ASB3: variants seen among roughly 807,000 people sequenced by gnomAD.
The protein encoded by ASB3 is ankyrin repeat and SOCS box containing 3.
Under a neutral mutation model 54.5 loss-of-function variants are expected in ASB3, and 41 were observed. The observed-to-expected ratio is 0.75, with a 90% CI of 0.59 to 0.98. The LOEUF is 0.98. Ranked by LOEUF, ASB3 falls within the 50% of genes least tolerant of loss-of-function variation. The pLI, the probability that ASB3 is intolerant of heterozygous loss-of-function variation, is 0.00. For missense variants in ASB3, 733 were observed against 620.0 expected (o/e 1.18, Z -1.94); for synonymous variants, 266 against 221.2 (o/e 1.20, Z -1.80).
At chr2:53,723,215 C>A (rs1036972234) in intron 5 of ASB3, among the ~76,000 whole-genome samples, 13 of 152,102 alleles carry the variant, frequency 8.5e-5, no homozygotes, top group Admixed American at 8.5e-4. Flanking sequence ...ACGGAAAACG[C>A]TGCTCACGGA....
intron 3 of ASB3, among the ~76,000 whole-genome samples, chr2:53,731,684 G>A (rs755528880): frequency 3.7e-4 from 57 of 152,066 alleles, no homozygotes; most frequent in Non-Finnish European, 6.6e-4. Context: ...GACAAGCCTC[G>A]CTCTGTCGCC....
At chr2:53,772,283 T>A (rs567207763) in intron 1 of ASB3, among the ~76,000 whole-genome samples, 1 of 152,264 alleles carries the variant, frequency 6.6e-6, no homozygotes, top group South Asian at 2.1e-4. Context: ...CACGCCATTC[T>A]CCTGCCTCAG....
chr2:53,776,124 A>G, intron 1 of ASB3, among the ~76,000 whole-genome samples: 1 of 152,244 alleles, frequency 6.6e-6, no homozygotes, highest in East Asian at 1.9e-4. Context: ...CTCAGGCATG[A>G]CTAATAATTA....
rs571189939 is a variant in ASB3, at chr2:53,778,258, T to C, written c.-14+8563A>G. 7.9e-5 allele frequency among the ~76,000 whole-genome samples: 12 copies of C among 152,088 alleles called. No homozygotes were observed. The South Asian group carries it at 2.1e-3, about 26-fold the overall frequency. On this transcript the variant is annotated intron_variant, in intron 1 of 9. Coordinates refer to ENST00000263634, the MANE Select transcript of ASB3 (RefSeq NM_016115.5). ...CCTATGTAAGCAAACTGAAGCCCAA[T>C]GTAAACAGTGAAACAAAACTTAATC...
At chr2:53,671,353 C>CGTGTT (rs1667803941) in intron 9 of ASB3, among the ~76,000 whole-genome samples, 4 of 142,512 alleles carry the variant, frequency 2.8e-5, no homozygotes, top group Admixed American at 7.1e-5. Context: ...GAACCCAAAG[C>CGTGTT]GTGTGTGTGT....
chr2:53,726,206 C>A (rs950565152), intron 5 of ASB3, among the ~76,000 whole-genome samples: 4 of 151,026 alleles, frequency 2.6e-5, no homozygotes, highest in African/African-American at 9.7e-5. Context: ...CAAGAAAACA[C>A]ACCTGACATG....
Position 53,693,916 on chromosome 2 carries a change from G to C in ASB3, c.1337C>G (p.Ala446Gly). 1 of 1,613,532 alleles carries C rather than the reference G, an allele frequency of 6.2e-7. No individual in the cohort carries two copies. The change falls in exon 9 of 10, where the codon GCC becomes GGC. Residue 446 changes from alanine (A) to glycine (G), a missense_variant. Transcript: ENST00000263634. ...PAVERMLSAR[A>G]SNAWILQQHI... ...TTGCTGTAGAATCCAAGCGTTTGAG[G>C]CACGAGCAGAGAGCATCCTTTCAAC...
chr2:53,696,783 A>G (rs1428011737), intron 8 of ASB3, among the ~76,000 whole-genome samples: 1 of 152,230 alleles, frequency 6.6e-6, no homozygotes, highest in African/African-American at 2.4e-5. Context: ...CATAGCATTT[A>G]TAAGGCATTA....
At chr2:53,720,989 C>T (rs540667712) in intron 5 of ASB3, among the ~76,000 whole-genome samples, 57 of 151,804 alleles carry the variant, frequency 3.8e-4, no homozygotes, top group Admixed American at 2.1e-3. Context: ...CACAGGGGTG[C>T]GCGCCTGTAA....
intron 2 of ASB3, chr2:53,756,867 C>T (rs1672860074): frequency 6.5e-6 from 1 of 152,856 alleles, no homozygotes. Flanking sequence ...CGCCCATTGC[C>T]ACTCCCAGTC....
intron 1 of ASB3, among the ~76,000 whole-genome samples, chr2:53,776,659 A>C (rs1478117632): frequency 6.6e-6 from 1 of 152,092 alleles, no homozygotes; most frequent in African/African-American, 2.4e-5. Context: ...TCTCTATAAA[A>C]AATTTAAAAA....
At chr2:53,697,188 C>G (rs1478724935) in intron 8 of ASB3, among the ~76,000 whole-genome samples, 1 of 152,214 alleles carries the variant, frequency 6.6e-6, no homozygotes, top group Non-Finnish European at 1.5e-5. Flanking sequence ...ACACTCCCAC[C>G]AGCCCCATGA....
intron 1 of ASB3, among the ~76,000 whole-genome samples, chr2:53,772,695 GTGTTTTGTGTTTT>G (rs939608410): frequency 2.0e-5 from 3 of 150,382 alleles, no homozygotes; most frequent in Non-Finnish European, 3.0e-5. Context: ...CCTGTGTGTT[GTGTTTTGTGTTTT>G]TGTTTTTAAG....
chr2:53,721,398 C>CAAAAA (rs1195017138), intron 5 of ASB3, among the ~76,000 whole-genome samples: 44 of 87,260 alleles, frequency 5.0e-4, no homozygotes, highest in Non-Finnish European at 6.2e-4. Context: ...TACTAAACTA[C>CAAAAA]AAAAAAAAAA....
At chr2:53,735,999 A>T (rs1043386051) in intron 3 of ASB3, among the ~76,000 whole-genome samples, 2 of 117,508 alleles carry the variant, frequency 1.7e-5, no homozygotes, top group African/African-American at 7.4e-5. Flanking sequence ...CAAACCTTCT[A>T]AAAAAAAAAA....
intron 9 of ASB3, among the ~76,000 whole-genome samples, chr2:53,672,002 G>C (rs1305818561): frequency 6.6e-6 from 1 of 152,066 alleles, no homozygotes; most frequent in Non-Finnish European, 1.5e-5. Flanking sequence ...CCAGGTATAG[G>C]GTTCTTTAAA....
chr2:53,712,745 AACACAC>A (rs3061604), intron 7 of ASB3, among the ~76,000 whole-genome samples: 2 of 150,146 alleles, frequency 1.3e-5, no homozygotes, highest in Non-Finnish European at 3.0e-5. Context: ...CATCATATTG[AACACAC>A]ACACACACAC....
At chr2:53,754,227 T>C (rs1190113244) in intron 2 of ASB3, among the ~76,000 whole-genome samples, 1 of 152,170 alleles carries the variant, frequency 6.6e-6, no homozygotes, top group South Asian at 2.1e-4. Flanking sequence ...AATGAGTTCA[T>C]GCAGATATAA....
At chr2:53,734,663 CA>C (rs1368838000) in intron 3 of ASB3, among the ~76,000 whole-genome samples, 3 of 152,310 alleles carry the variant, frequency 2.0e-5, no homozygotes, top group Non-Finnish European at 2.9e-5. Context: ...TGAAAATCAT[CA>C]TCAAATTCAA....
Sources: gnomAD v4.1 joint callset for allele counts (sites outside exome capture counted in the v4.1 genomes callset) on GRCh38, gnomAD v4.1.1 for gene constraint, MANE v1.5 for transcripts, NCBI Gene and HGNC (gene_info 2026-07-23, HGNC 2026-07-21) for gene names.